Variants in PRKD1 observed in about 807,000 individuals in gnomAD.
PRKD1 encodes the protein protein kinase D1, also known as serine/threonine-protein kinase D1.
In PRKD1, 63 loss-of-function variants were observed where a neutral mutation model predicts 95.9. The observed-to-expected ratio is 0.66, with a 90% confidence interval of 0.54 to 0.81. PRKD1 has a LOEUF of 0.81. PRKD1 is among the 30% of genes least tolerant of loss of function. The pLI is 0.00. For missense variants in PRKD1, 1,048 were observed against 1,165.3 expected (o/e 0.90, Z 1.47); for synonymous variants, 425 against 423.1 (o/e 1.00, Z -0.05).
At chr14:29,687,150 GA>G (rs1011662639) in intron 2 of PRKD1, among the ~76,000 whole-genome samples, 3 of 151,458 alleles carry the variant, frequency 2.0e-5, no homozygotes, top group African/African-American at 7.3e-5. Flanking sequence ...AAAAAAAAAA[GA>G]AAAAAACAGA....
intron 1 of PRKD1, among the ~76,000 whole-genome samples, chr14:29,898,778 A>G (rs1222587445): frequency 6.6e-6 from 1 of 152,230 alleles, no homozygotes; most frequent in Admixed American, 6.5e-5. Flanking sequence ...CACAGATACA[A>G]ACTGCCTGAG....
chr14:29,766,106 AAGG>A (rs1247103574), intron 1 of PRKD1, among the ~76,000 whole-genome samples: 4 of 152,254 alleles, frequency 2.6e-5, no homozygotes, highest in Non-Finnish European at 5.9e-5. Flanking sequence ...CGACGAAGAG[AAGG>A]AGAAGGAGAG....
chr14:29,740,141 A>G (rs1222442904), intron 1 of PRKD1, among the ~76,000 whole-genome samples: 2 of 152,164 alleles, frequency 1.3e-5, no homozygotes, highest in Admixed American at 1.3e-4. Flanking sequence ...GAAATTATTC[A>G]CACAACAGTA....
intron 1 of PRKD1, among the ~76,000 whole-genome samples, chr14:29,920,254 C>A (rs554314969): frequency 6.6e-6 from 1 of 152,216 alleles, no homozygotes; most frequent in East Asian, 1.9e-4. Flanking sequence ...TTCAAAATCA[C>A]TCTAAAGTAA....
intron 1 of PRKD1, among the ~76,000 whole-genome samples, chr14:29,846,122 C>T (rs972480573): frequency 6.6e-6 from 1 of 152,152 alleles, no homozygotes; most frequent in African/African-American, 2.4e-5. Flanking sequence ...CATATTTATT[C>T]ATTCAATATC....
chr14:29,663,036 G>GAT (rs1194237531), intron 4 of PRKD1, among the ~76,000 whole-genome samples: 5 of 142,600 alleles, frequency 3.5e-5, no homozygotes, highest in South Asian at 4.5e-4. Context: ...ATATCCATAA[G>GAT]ATATATATAT....
chr14:29,844,487 A>C (rs888940630), intron 1 of PRKD1, among the ~76,000 whole-genome samples: 1 of 152,180 alleles, frequency 6.6e-6, no homozygotes, highest in Non-Finnish European at 1.5e-5. Flanking sequence ...AAAATGTTTA[A>C]AAATAATTTT....
At chr14:29,635,226 G>A (rs948771646) in intron 7 of PRKD1, among the ~76,000 whole-genome samples, 1 of 152,088 alleles carries the variant, frequency 6.6e-6, no homozygotes, top group Admixed American at 6.5e-5. Context: ...ATCATTTAGA[G>A]ATTACATTAT....
At chr14:29,922,145 CA>C (rs945319211) in intron 1 of PRKD1, among the ~76,000 whole-genome samples, 1 of 151,356 alleles carries the variant, frequency 6.6e-6, no homozygotes, top group African/African-American at 2.4e-5. Flanking sequence ...ACTAAAAATA[CA>C]AAAAAATAGC....
Position 29,630,770 on chromosome 14 carries a change from G to A in PRKD1, c.1644C>T (p.Ser548=). 6.2e-7 allele frequency: 1 copy of A among 1,614,056 alleles called. No individual in the cohort carries two copies. The highest frequency in any genetic ancestry group is 2.2e-5 in the East Asian group (1 of 44,852). Residue 548 remains serine (S), a synonymous_variant, in exon 10 of 18, where the codon TCC becomes TCT. Transcript: ENST00000331968. ...GCAAGTTGGTTCCTGTACCCACGGA[G>A]GAGCCCTTGGGAATGACGGGCATAA... ...HALMPVIPKG[S]SVGTGTNLHR...
intron 1 of PRKD1, among the ~76,000 whole-genome samples, chr14:29,781,605 A>G (rs1889047655): frequency 6.6e-6 from 1 of 152,262 alleles, no homozygotes; most frequent in African/African-American, 2.4e-5. Context: ...AGACGTTTTC[A>G]GTTTTGATAA....
In PRKD1 at chr14:29,887,868, A is replaced by G. The variant is rs771241553; in HGVS notation, c.264+39381T>C. Among the ~76,000 whole-genome samples the G allele has an allele frequency of 7.9e-4, 120 of 152,308 alleles. 1 individual carries two copies. Among genetic ancestry groups the G allele is most frequent in the Non-Finnish European group, 1.6e-3 (110 of 68,030 alleles). ...ATCTAGGCTTGTGTAAGTACACTCT[A>G]TGGCATTCACACAACAAAAAACTGC... On this transcript the variant is annotated intron_variant, in intron 1 of 17. Coordinates refer to ENST00000331968, the MANE Select transcript of PRKD1 (RefSeq NM_002742.3).
intron 1 of PRKD1, among the ~76,000 whole-genome samples, chr14:29,763,517 A>AAAC (rs150156977): frequency 1.7e-4 from 25 of 147,032 alleles, no homozygotes; most frequent in Admixed American, 1.5e-3. Context: ...AACACAGAAA[A>AAAC]AGACTAGTAA....
chr14:29,848,765 A>T (rs1407181038), intron 1 of PRKD1, among the ~76,000 whole-genome samples: 3 of 152,186 alleles, frequency 2.0e-5, no homozygotes, highest in Non-Finnish European at 2.9e-5. Context: ...CTGATGACAG[A>T]TCTACCTGAC....
At chr14:29,866,301 A>G (rs1288443809) in intron 1 of PRKD1, among the ~76,000 whole-genome samples, 1 of 152,194 alleles carries the variant, frequency 6.6e-6, no homozygotes, top group Non-Finnish European at 1.5e-5. Context: ...TTTTATATAC[A>G]AAGCAGTCAA....
intron 1 of PRKD1, among the ~76,000 whole-genome samples, chr14:29,751,722 G>A (rs955868896): frequency 6.6e-6 from 1 of 152,108 alleles, no homozygotes; most frequent in African/African-American, 2.4e-5. Flanking sequence ...ATCCATATTG[G>A]TTCCCTTACC....
intron 1 of PRKD1, among the ~76,000 whole-genome samples, chr14:29,881,488 T>C (rs533524360): frequency 6.6e-6 from 1 of 152,166 alleles, no homozygotes; most frequent in Non-Finnish European, 1.5e-5. Flanking sequence ...CACATTTCCT[T>C]AGTTTCCTGA....
intron 13 of PRKD1, among the ~76,000 whole-genome samples, chr14:29,618,258 AT>A (rs34749231): frequency 0.01 from 1,458 of 145,528 alleles, 27 homozygotes; most frequent in East Asian, 0.036. Flanking sequence ...ATCTACATTC[AT>A]TTTTTTTTTT....
At chr14:29,614,098 A>G (rs10137217) in intron 13 of PRKD1, among the ~76,000 whole-genome samples, 3,148 of 152,158 alleles carry the variant, frequency 0.021, 97 homozygotes, top group African/African-American at 0.071. Context: ...TTTTTCTCCA[A>G]TTTTCTAAAA....
Sources: allele counts gnomAD v4.1 joint callset (sites outside exome capture counted in the v4.1 genomes callset), GRCh38; gene constraint gnomAD v4.1.1; transcripts MANE v1.5; gene names NCBI Gene and HGNC (gene_info 2026-07-23, HGNC 2026-07-21).